USP49: variants seen among roughly 807,000 people sequenced by gnomAD.
The protein encoded by USP49 is ubiquitin specific peptidase 49, also known as ubiquitin carboxyl-terminal hydrolase 49.
A neutral mutation model predicts 58.6 loss-of-function variants in USP49; 24 were observed. That is an observed-to-expected ratio of 0.41 (90% CI 0.30 to 0.58). The LOEUF (loss-of-function observed/expected upper bound fraction) is 0.58. Ranked by LOEUF, USP49 falls within the 20% of genes least tolerant of loss-of-function variation. The probability of loss-of-function intolerance (pLI) is 0.30; values close to 1 mark genes in which losing one functional copy is unlikely to be tolerated. For missense variants in USP49, 703 were observed against 866.1 expected (o/e 0.81, Z 2.36); for synonymous variants, 408 against 365.1 (o/e 1.12, Z -1.34).
intron 2 of USP49, among the ~76,000 whole-genome samples, chr6:41,882,899 G>A (rs1028751949): frequency 1.3e-5 from 2 of 152,014 alleles, no homozygotes; most frequent in African/African-American, 4.8e-5. Context: ...CTGGGCAACA[G>A]AGCAAGATTC....
At chr6:41,852,996 C>T (rs963915395) in intron 3 of USP49, among the ~76,000 whole-genome samples, 6 of 152,132 alleles carry the variant, frequency 3.9e-5, no homozygotes, top group South Asian at 2.1e-4. Context: ...TCGAAACCAG[C>T]CTAACATGGA....
intron 2 of USP49, among the ~76,000 whole-genome samples, chr6:41,874,577 C>T (rs1302902602): frequency 6.6e-6 from 1 of 152,084 alleles, no homozygotes; most frequent in African/African-American, 2.4e-5. Context: ...ATTTTTTATT[C>T]CAATTTGACA....
chr6:41,894,304 AC>A (rs1055247249), intron 1 of USP49: 1 of 151,596 alleles, frequency 6.6e-6, no homozygotes, highest in African/African-American at 2.4e-5. Context: ...TTACACCCTA[AC>A]TCTAGTCTCC....
At chr6:41,864,047 G>A (rs1023815560) in intron 3 of USP49, among the ~76,000 whole-genome samples, 5 of 150,892 alleles carry the variant, frequency 3.3e-5, no homozygotes, top group African/African-American at 1.2e-4. Flanking sequence ...GGGATTTCCT[G>A]AGCCACCACA....
chr6:41,791,115 T>A lies in USP49; in HGVS notation c.*5418A>T, dbSNP rs1252426850. 6.6e-6 allele frequency: 1 copy of A among 152,186 alleles called. No individual in the cohort carries two copies. The highest frequency in any genetic ancestry group is 1.9e-4 in the East Asian group (1 of 5,206). The allele number at this position is 152,186 out of a possible 1,614,324, so 9.4% of individuals were successfully genotyped here. On this transcript the variant is annotated 3_prime_UTR_variant, in exon 8 of 8. Transcript: ENST00000682992. ...CAGTTTTGATAAAAACTTCCAAAAT[T>A]GAAAATCAAAATCCAGCAAGAATTA...
intron 3 of USP49, among the ~76,000 whole-genome samples, chr6:41,822,792 C>T (rs1773474226): frequency 6.6e-6 from 1 of 151,136 alleles, no homozygotes. Context: ...TGCACTCAAG[C>T]CTGGCGACAG....
intron 3 of USP49, among the ~76,000 whole-genome samples, chr6:41,860,585 G>A (rs910083048): frequency 1.1e-4 from 16 of 152,014 alleles, no homozygotes; most frequent in Non-Finnish European, 1.9e-4. Flanking sequence ...TCGGCTCACT[G>A]CAACCTCCAC....
chr6:41,802,027 T>G (rs946095823), intron 5 of USP49, among the ~76,000 whole-genome samples: 2 of 139,154 alleles, frequency 1.4e-5, no homozygotes, highest in African/African-American at 2.7e-5. Context: ...GAATCACTGT[T>G]TTTTTTTTTT....
chr6:41,870,688 A>ATTTTTTTTTTTTTTTT, intron 3 of USP49, among the ~76,000 whole-genome samples: 1 of 116,064 alleles, frequency 8.6e-6, no homozygotes, highest in Non-Finnish European at 1.7e-5. Flanking sequence ...CACCTGGCTA[A>ATTTTTTTTTTTTTTTT]TTTTTTTTTT....
intron 3 of USP49, among the ~76,000 whole-genome samples, chr6:41,866,023 G>A (rs1774313017): frequency 6.9e-6 from 1 of 143,934 alleles, no homozygotes; most frequent in Non-Finnish European, 1.5e-5. Flanking sequence ...CCAAGTTCAA[G>A]CGATTCTCCT....
intron 3 of USP49, among the ~76,000 whole-genome samples, chr6:41,828,154 C>A (rs964698375): frequency 3.3e-5 from 5 of 151,952 alleles, no homozygotes; most frequent in Admixed American, 2.0e-4. Context: ...CTAATAAGAA[C>A]TAAGCTGCGG....
intron 2 of USP49, among the ~76,000 whole-genome samples, chr6:41,890,766 G>T (rs1774798845): frequency 6.6e-6 from 1 of 152,138 alleles, no homozygotes; most frequent in Non-Finnish European, 1.5e-5. Flanking sequence ...ATTAGTGAGG[G>T]TATAAACAGA....
chr6:41,845,578 T>TTGGG (rs1199912211), intron 3 of USP49, among the ~76,000 whole-genome samples: 1 of 151,872 alleles, frequency 6.6e-6, no homozygotes, highest in East Asian at 1.9e-4. Flanking sequence ...TCCCAGCTAC[T>TTGGG]TGGGAGGCAG....
intron 3 of USP49, among the ~76,000 whole-genome samples, chr6:41,850,916 G>A (rs1005160624): frequency 6.6e-6 from 1 of 151,238 alleles, no homozygotes; most frequent in Admixed American, 6.6e-5. Context: ...TAAATTCTTA[G>A]AAACACACAA....
intron 2 of USP49, among the ~76,000 whole-genome samples, chr6:41,884,878 T>A (rs1319012): frequency 0.95 from 143,972 of 152,296 alleles, 68,120 homozygotes; most frequent in East Asian, 1. Flanking sequence ...ATGTTTTACA[T>A]AACTTTTTTC....
chr6:41,834,556 T>G (rs946167139), intron 3 of USP49, among the ~76,000 whole-genome samples: 1 of 152,058 alleles, frequency 6.6e-6, no homozygotes, highest in Non-Finnish European at 1.5e-5. Flanking sequence ...AGGGGGCAAT[T>G]TCTCATGAAT....
chr6:41,889,902 T>C (rs1774781495), intron 2 of USP49, among the ~76,000 whole-genome samples: 1 of 152,128 alleles, frequency 6.6e-6, no homozygotes, highest in Admixed American at 6.5e-5. Flanking sequence ...TGAGTAAGGG[T>C]ATACAGAATT....
At position 41,794,993 on chromosome 6, in the gene USP49, C is replaced by G. The variant is rs538615760; in HGVS notation, c.*1540G>C. 1 of 152,204 alleles carries G rather than the reference C, an allele frequency of 6.6e-6. No homozygotes were observed. Among genetic ancestry groups the G allele is most frequent in the Non-Finnish European group, 1.5e-5 (1 of 68,046 alleles). The allele number at this position is 152,204 out of a possible 1,614,324, so 9.4% of individuals were successfully genotyped here. ...CTGTGTGGGAAATGTGGCTCATCAA[C>G]ATTGCTAAAGCTATAACCCTCATTC... On this transcript the variant is annotated 3_prime_UTR_variant, in exon 8 of 8. Transcript: ENST00000682992.
intron 3 of USP49, among the ~76,000 whole-genome samples, chr6:41,837,030 T>A (rs1281817504): frequency 1.3e-5 from 2 of 152,234 alleles, no homozygotes; most frequent in Non-Finnish European, 2.9e-5. Context: ...ATGGTCATAC[T>A]GCCCAAAGCA....
Sources: gnomAD v4.1 joint callset for allele counts (sites outside exome capture counted in the v4.1 genomes callset) on GRCh38, gnomAD v4.1.1 for gene constraint, MANE v1.5 for transcripts, NCBI Gene and HGNC (gene_info 2026-07-23, HGNC 2026-07-21) for gene names.